Variants in ROCK2 observed in about 807,000 individuals in gnomAD.
ROCK2 encodes the protein Rho associated coiled-coil containing protein kinase 2.
In ROCK2, 61 loss-of-function variants were observed where a neutral mutation model predicts 195.1. The observed-to-expected ratio is 0.31, with a 90% CI of 0.25 to 0.39. The LOEUF is 0.39. ROCK2 is among the 10% of genes least tolerant of loss of function. The pLI is 1.00. For missense variants in ROCK2, 1,109 were observed against 1,637.4 expected (o/e 0.68, Z 5.57); for synonymous variants, 504 against 545.5 (o/e 0.92, Z 1.06).
At chr2:11,190,876 G>A (rs1663397922) in intron 32 of ROCK2, among the ~76,000 whole-genome samples, 1 of 152,084 alleles carries the variant, frequency 6.6e-6, no homozygotes, top group Non-Finnish European at 1.5e-5. Context: ...ACTTGAAATG[G>A]CCTTCAGTGT....
chr2:11,340,081 T>C (rs1669056182), intron 1 of ROCK2, among the ~76,000 whole-genome samples: 1 of 152,238 alleles, frequency 6.6e-6, no homozygotes, highest in Non-Finnish European at 1.5e-5. Flanking sequence ...CTGAAGTGTA[T>C]GTAAGTCCGT....
intron 32 of ROCK2, among the ~76,000 whole-genome samples, chr2:11,189,029 G>A (rs557328613): frequency 4.0e-5 from 6 of 151,022 alleles, no homozygotes; most frequent in South Asian, 4.2e-4. Context: ...AGAGTGAGAC[G>A]TCATGTCACA....
rs573869495 is a variant in ROCK2, at chr2:11,299,144, C to T, written c.142-11408G>A. 5.7e-4 allele frequency among the ~76,000 whole-genome samples: 87 copies of T among 151,326 alleles called. 2 individuals carry two copies. In the Middle Eastern group the frequency reaches 0.01, roughly 18 times the overall value. On this transcript the variant is annotated intron_variant, in intron 1 of 32. Coordinates refer to ENST00000315872, the MANE Select transcript of ROCK2 (RefSeq NM_004850.5). ...CAAAAATTAGCCGGGTGTGGTGGCACGCACCTGTAATCCCAGCTACTCAGG... is the reference window on the plus strand; with the variant it reads ...CAAAAATTAGCCGGGTGTGGTGGCATGCACCTGTAATCCCAGCTACTCAGG...
intron 1 of ROCK2, among the ~76,000 whole-genome samples, chr2:11,297,529 G>A (rs1038239900): frequency 1.4e-4 from 21 of 151,806 alleles, no homozygotes; most frequent in African/African-American, 5.1e-4. Context: ...ACTATTCGCC[G>A]CCTCCTATAA....
At chr2:11,312,311 A>T (rs1314896023) in intron 1 of ROCK2, among the ~76,000 whole-genome samples, 1 of 152,172 alleles carries the variant, frequency 6.6e-6, no homozygotes, top group Non-Finnish European at 1.5e-5. Flanking sequence ...GCACACATTT[A>T]AAGTGTACAA....
rs140804270 is a variant in ROCK2, at chr2:11,208,805, C to G, written c.2204-358G>C. Reference sequence around the variant, plus strand: ...ATGGGGTTTTGCCATGTTGGCCAGGCTGGTCTCAAACTCCTGGCCTCATGC... The same window carrying G: ...ATGGGGTTTTGCCATGTTGGCCAGGGTGGTCTCAAACTCCTGGCCTCATGC... On this transcript the variant is annotated intron_variant, in intron 18 of 32. Coordinates refer to ENST00000315872, the MANE Select transcript of ROCK2 (RefSeq NM_004850.5). Among the ~76,000 whole-genome samples the G allele has an allele frequency of 7.1e-3, 1,082 of 152,150 alleles. 14 individuals are homozygous for G. The highest frequency in any genetic ancestry group is 0.025 in the African/African-American group (1,030 of 41,550).
At chr2:11,205,079 G>A (rs993869946) in intron 20 of ROCK2, among the ~76,000 whole-genome samples, 2 of 152,276 alleles carry the variant, frequency 1.3e-5, no homozygotes, top group East Asian at 3.9e-4. Flanking sequence ...TAAGCAAAGG[G>A]ACCCCTAAAT....
chr2:11,190,208 A>G (rs1663364611), intron 32 of ROCK2, among the ~76,000 whole-genome samples: 2 of 152,108 alleles, frequency 1.3e-5, no homozygotes, highest in Admixed American at 1.3e-4. Flanking sequence ...TTTTTCACAA[A>G]ATATACACTA....
intron 1 of ROCK2, among the ~76,000 whole-genome samples, chr2:11,329,712 A>AAT (rs1553319743): frequency 6.6e-6 from 1 of 151,684 alleles, no homozygotes; most frequent in Non-Finnish European, 1.5e-5. Context: ...AAAAAAAAAA[A>AAT]TTGCTTGCAG....
At chr2:11,193,947 C>A in intron 29 of ROCK2, 90 bp from the exon 30 acceptor site, 1 of 663,138 alleles carries the variant, frequency 1.5e-6, no homozygotes, top group Non-Finnish European at 2.5e-6. Flanking sequence ...ACGTTAAACA[C>A]TGACTACTTT....
chr2:11,290,782 A>C (rs1191108255), intron 1 of ROCK2, among the ~76,000 whole-genome samples: 1 of 152,182 alleles, frequency 6.6e-6, no homozygotes, highest in Non-Finnish European at 1.5e-5. Context: ...TTACGAGAAA[A>C]TCAGTACCCG....
rs761804794 is a variant in ROCK2, at chr2:11,197,628, T to C, written c.3177A>G (p.Lys1059=). ...KRGNDTDVRR[K]EKENRKLHME... is the part of the protein sequence containing the mutation. Reference sequence around the variant, plus strand: ...TATGTAGCTTTCTATTCTCCTTCTCTTTTCTCCGCACATCTGTGTCATTAC... The same window carrying C: ...TATGTAGCTTTCTATTCTCCTTCTCCTTTCTCCGCACATCTGTGTCATTAC... The change falls in exon 26 of 33, where the codon AAA becomes AAG. Residue 1059 remains lysine, a synonymous_variant. Coordinates refer to ENST00000315872, the MANE Select transcript of ROCK2 (RefSeq NM_004850.5). This position sits in a 1 kb window ranked among gnomAD's most constrained non-coding sequence, Gnocchi z 4.9. 3.1e-6 allele frequency: 5 copies of C among 1,613,764 alleles called. No individual in the cohort carries two copies. In the South Asian group the frequency reaches 5.5e-5, roughly 18 times the overall value.
At chr2:11,290,755 A>G (rs1305295169) in intron 1 of ROCK2, among the ~76,000 whole-genome samples, 2 of 152,146 alleles carry the variant, frequency 1.3e-5, no homozygotes, top group Non-Finnish European at 2.9e-5. Context: ...TGAGGTGAGG[A>G]GTTAAAACCA....
intron 1 of ROCK2, among the ~76,000 whole-genome samples, chr2:11,296,020 GAGA>G (rs1667522772): frequency 2.3e-5 from 2 of 86,916 alleles, no homozygotes; most frequent in Admixed American, 1.3e-4. Flanking sequence ...GAGAGAGAGA[GAGA>G]GAGAGAGAGA....
intron 20 of ROCK2, among the ~76,000 whole-genome samples, chr2:11,202,809 T>C (rs2148046891): frequency 6.6e-6 from 1 of 152,278 alleles, no homozygotes; most frequent in East Asian, 1.9e-4. Flanking sequence ...CCCTTGATAA[T>C]TTTTTTAAGA....
intron 3 of ROCK2, among the ~76,000 whole-genome samples, chr2:11,268,291 AG>A (rs1261555171): frequency 1.3e-5 from 2 of 152,174 alleles, no homozygotes; most frequent in Non-Finnish European, 2.9e-5. Flanking sequence ...ACCCAGTTAT[AG>A]GTGAGACCCC....
chr2:11,317,708 T>C (rs1668267758), intron 1 of ROCK2, among the ~76,000 whole-genome samples: 1 of 148,800 alleles, frequency 6.7e-6, no homozygotes, highest in East Asian at 2.0e-4. Context: ...GTTCGTGTGC[T>C]GCACCCATTA....
intron 20 of ROCK2, among the ~76,000 whole-genome samples, chr2:11,203,685 G>A (rs1663947137): frequency 1.3e-5 from 2 of 152,062 alleles, no homozygotes; most frequent in African/African-American, 4.8e-5. Flanking sequence ...AAACTTGTGG[G>A]TAAAAAGGGA....
At chr2:11,267,621 C>T (rs185070643) in intron 3 of ROCK2, among the ~76,000 whole-genome samples, 2 of 151,666 alleles carry the variant, frequency 1.3e-5, no homozygotes, top group African/African-American at 2.4e-5. Context: ...CCAAATGAAA[C>T]TTTCAATTCT....
Sources: allele counts gnomAD v4.1 joint callset (sites outside exome capture counted in the v4.1 genomes callset), GRCh38; gene constraint gnomAD v4.1.1; non-coding constraint Gnocchi (gnomAD v3.1); transcripts MANE v1.5; gene names NCBI Gene and HGNC (gene_info 2026-07-23, HGNC 2026-07-21).